Variants in SDK1 observed in about 807,000 individuals in gnomAD.
SDK1 encodes protein sidekick-1.
A neutral mutation model predicts 245.5 loss-of-function variants in SDK1; 157 were observed. The ratio of observed to expected loss-of-function variants is 0.64; its 90% CI spans 0.56 to 0.73. The LOEUF (loss-of-function observed/expected upper bound fraction) is 0.73, where lower values mean the gene tolerates loss of function less well. Among genes scored for constraint, SDK1 ranks in the 30% least tolerant of loss-of-function variants. The pLI, the probability that SDK1 is intolerant of heterozygous loss-of-function variation, is 0.00. For synonymous variants in SDK1, 1,647 were observed against 1,278.5 expected (o/e 1.29, Z -6.15); for missense variants, 3,583 against 3,002.3 (o/e 1.19, Z -4.52).
intron 4 of SDK1, among the ~76,000 whole-genome samples, chr7:3,805,278 G>T (rs923767705): frequency 2.6e-5 from 4 of 152,130 alleles, no homozygotes; most frequent in African/African-American, 9.7e-5. Flanking sequence ...TGTTACTGTT[G>T]CTTTGTAGAT....
intron 1 of SDK1, among the ~76,000 whole-genome samples, chr7:3,386,706 G>C (rs1420571220): frequency 6.6e-6 from 1 of 152,160 alleles, no homozygotes; most frequent in Non-Finnish European, 1.5e-5. Context: ...TCTGTAGGTA[G>C]GGAGTGCAGC....
intron 44 of SDK1, among the ~76,000 whole-genome samples, chr7:4,260,721 G>A (rs1787942499): frequency 6.7e-6 from 1 of 148,236 alleles, no homozygotes; most frequent in African/African-American, 2.5e-5. Flanking sequence ...TGCGTGTGTG[G>A]GAGGATGTGT....
intron 5 of SDK1, among the ~76,000 whole-genome samples, chr7:3,916,612 A>C (rs1025892572): frequency 7.2e-5 from 11 of 152,262 alleles, no homozygotes; most frequent in African/African-American, 2.7e-4. Context: ...CTTAAGAGAC[A>C]GCTAGGAATT....
chr7:4,098,915 C>T (rs1782350375), intron 22 of SDK1, among the ~76,000 whole-genome samples: 1 of 149,624 alleles, frequency 6.7e-6, no homozygotes, highest in Non-Finnish European at 1.5e-5. Context: ...TCAAGCGATC[C>T]TCCTGCCCCA....
At chr7:3,650,789 A>G (rs1372089137) in intron 4 of SDK1, among the ~76,000 whole-genome samples, 1 of 151,206 alleles carries the variant, frequency 6.6e-6, no homozygotes, top group Non-Finnish European at 1.5e-5. Flanking sequence ...AATGTTGTGT[A>G]GACAGAATCA....
At chr7:3,435,251 C>G (rs993843949) in intron 1 of SDK1, among the ~76,000 whole-genome samples, 1 of 147,640 alleles carries the variant, frequency 6.8e-6, no homozygotes, top group Non-Finnish European at 1.5e-5. Flanking sequence ...ACAGATTATA[C>G]TGGAGAGATC....
intron 1 of SDK1, among the ~76,000 whole-genome samples, chr7:3,434,291 T>A (rs1256203301): frequency 2.6e-5 from 4 of 152,238 alleles, no homozygotes; most frequent in Non-Finnish European, 5.9e-5. Flanking sequence ...CAACATGATT[T>A]TTCTTTCATC....
intron 4 of SDK1, among the ~76,000 whole-genome samples, chr7:3,713,469 AT>A (rs776851846): frequency 8.5e-5 from 13 of 152,162 alleles, no homozygotes; most frequent in Non-Finnish European, 1.5e-4. Flanking sequence ...TCCCACGGGA[AT>A]GGCTTCATTC....
chr7:4,264,092 GGGGGAGGCCGCGTAGACCTCTCCTGAGT>G (rs1211305318), intron 44 of SDK1, among the ~76,000 whole-genome samples: 4 of 75,800 alleles, frequency 5.3e-5, no homozygotes, highest in Non-Finnish European at 9.7e-5. Flanking sequence ...TCTCCTGAGT[GGGGGAGGCCGCGTAGACCTCTCCTGAGT>G]GGGGAGGCCG....
At chr7:3,807,316 G>A (rs1184476838) in intron 4 of SDK1, among the ~76,000 whole-genome samples, 1 of 152,198 alleles carries the variant, frequency 6.6e-6, no homozygotes, top group African/African-American at 2.4e-5. Context: ...GATAGGAAGG[G>A]GAAGTGCTTA....
In SDK1 at chr7:3,416,931, G is replaced by C. The variant is rs973254080; in HGVS notation, c.298+115047G>C. 2.6e-5 allele frequency among the ~76,000 whole-genome samples: 4 copies of C among 152,174 alleles called. 1 individual carries two copies. The highest frequency in any genetic ancestry group is 9.7e-5 in the African/African-American group (4 of 41,434). ...CTCATGCCTGTAATCCCAGCACTTT[G>C]GGAGGATGAGGTGGATGGATCACCT... On this transcript the variant is annotated intron_variant, in intron 1 of 44. Transcript: ENST00000404826.
chr7:3,906,617 C>CTTTTT (rs71032914), intron 5 of SDK1, among the ~76,000 whole-genome samples: 15 of 57,248 alleles, frequency 2.6e-4, no homozygotes, highest in Non-Finnish European at 4.1e-4. Flanking sequence ...ATTTCAGTGT[C>CTTTTT]TTTTTTTTTT....
chr7:3,992,327 C>A (rs1021208434), intron 14 of SDK1, among the ~76,000 whole-genome samples: 4 of 152,204 alleles, frequency 2.6e-5, no homozygotes, highest in African/African-American at 9.7e-5. Context: ...CCTCTGCAGG[C>A]ATGCCAGGGT....
At chr7:3,485,006 TG>T (rs1489999697) in intron 1 of SDK1, among the ~76,000 whole-genome samples, 3 of 152,200 alleles carry the variant, frequency 2.0e-5, no homozygotes, top group Non-Finnish European at 4.4e-5. Flanking sequence ...TCCTTTCTTT[TG>T]GGTATATACC....
chr7:4,147,326 A>G (rs1223360843), intron 29 of SDK1, among the ~76,000 whole-genome samples: 2 of 152,102 alleles, frequency 1.3e-5, no homozygotes, highest in Non-Finnish European at 2.9e-5. Context: ...GACTACAGGC[A>G]CACACCACCC....
Position 4,265,183 on chromosome 7 carries a change from G to T in SDK1, c.6441G>T (p.Met2147Ile). ...LPKHSFVNHY[M>I]SDPTYYNSWK... ...AGCACTCCTTCGTGAACCACTACAT[G>T]AGCGACCCCACCTACTACAACTCAT... Residue 2147 changes from methionine to isoleucine, a missense_variant, in exon 45 of 45, where the codon ATG becomes ATT. By Grantham distance (10) the Met-to-Ile change is conservative. Transcript: ENST00000404826. 6.2e-7 allele frequency: 1 copy of T among 1,612,402 alleles called. No individual in the cohort carries two copies. Among genetic ancestry groups the T allele is most frequent in the Non-Finnish European group, 8.5e-7 (1 of 1,179,644 alleles).
intron 4 of SDK1, among the ~76,000 whole-genome samples, chr7:3,723,976 AGAAAGAG>A (rs1231630156): frequency 6.8e-6 from 1 of 147,052 alleles, no homozygotes; most frequent in African/African-American, 2.6e-5. Context: ...AGAGAGAGAG[AGAAAGAG>A]AGAGAGAGTC....
chr7:4,153,036 G>A (rs142923299), intron 30 of SDK1, among the ~76,000 whole-genome samples: 19 of 152,198 alleles, frequency 1.2e-4, no homozygotes, highest in African/African-American at 4.1e-4. Context: ...GTCACTTTAG[G>A]ACAGAGCAGT....
chr7:3,579,692 G>A lies in SDK1; in HGVS notation c.299-39388G>A, dbSNP rs900214366. ...TGGCCAGTCCTGGTTGTGGAAACAA[G>A]GGAACACTTACACCCTGTCAGTTGG... On this transcript the variant is annotated intron_variant, in intron 1 of 44. Coordinates refer to ENST00000404826, the MANE Select transcript of SDK1 (RefSeq NM_152744.4). Among the ~76,000 whole-genome samples, 7 of 141,618 alleles carry A rather than the reference G, an allele frequency of 4.9e-5. No individual in the cohort carries two copies. The South Asian group carries it at 1.7e-3, about 35-fold the overall frequency. The allele number at this position is 141,618 out of a possible 152,430, so 92.9% of individuals were successfully genotyped here.
Sources: allele counts gnomAD v4.1 joint callset (sites outside exome capture counted in the v4.1 genomes callset), GRCh38; gene constraint gnomAD v4.1.1; transcripts MANE v1.5; gene names NCBI Gene and HGNC (gene_info 2026-07-23, HGNC 2026-07-21).